The following MBNL1 variants were observed in gnomAD, a reference collection of about 807,000 sequenced individuals.
MBNL1 encodes the protein muscleblind like splicing regulator 1, also known as muscleblind-like protein 1.
A neutral mutation model predicts 42.2 loss-of-function variants in MBNL1; 8 were observed. That is an observed-to-expected ratio of 0.19 (90% CI 0.11 to 0.34). The LOEUF (loss-of-function observed/expected upper bound fraction) is 0.34. MBNL1 is among the 10% of genes least tolerant of loss of function. MBNL1 has a pLI of 1.00. For missense variants in MBNL1, 309 were observed against 495.3 expected (o/e 0.62, Z 3.57); for synonymous variants, 169 against 173.9 (o/e 0.97, Z 0.22).
At chr3:152,274,487 C>G (rs1269413653) in intron 1 of MBNL1, among the ~76,000 whole-genome samples, 1 of 152,022 alleles carries the variant, frequency 6.6e-6, no homozygotes, top group African/African-American at 2.4e-5. Context: ...TATGAAAGTT[C>G]AGATAAGGGA....
chr3:152,286,733 T>C (rs929765572), intron 1 of MBNL1, among the ~76,000 whole-genome samples: 7 of 151,796 alleles, frequency 4.6e-5, no homozygotes, highest in Non-Finnish European at 1.0e-4. Context: ...TTTTATATGA[T>C]AGTTCATTAG....
At chr3:152,421,619 G>C (rs946260104) in intron 3 of MBNL1, among the ~76,000 whole-genome samples, 1 of 152,114 alleles carries the variant, frequency 6.6e-6, no homozygotes, top group Non-Finnish European at 1.5e-5. Flanking sequence ...TCCTCGAGAA[G>C]AGCAACCCCA....
At chr3:152,396,215 C>T in intron 2 of MBNL1, 1 of 353,300 alleles carries the variant, frequency 2.8e-6, no homozygotes, top group Non-Finnish European at 5.7e-6. Flanking sequence ...CCCACTGATT[C>T]TACATTATGG....
intron 2 of MBNL1, among the ~76,000 whole-genome samples, chr3:152,250,432 G>A (rs1306186008): frequency 6.6e-6 from 1 of 151,556 alleles, no homozygotes; most frequent in Non-Finnish European, 1.5e-5. Context: ...TCTGTTGTTG[G>A]TGTATAAGAA....
chr3:152,430,308 A>G (rs966904416), intron 3 of MBNL1, among the ~76,000 whole-genome samples: 1 of 152,206 alleles, frequency 6.6e-6, no homozygotes, highest in East Asian at 1.9e-4. Flanking sequence ...TTAAATAATT[A>G]TAGTAGATTA....
intron 6 of MBNL1, 37 bp from the exon 7 acceptor site, chr3:152,455,505 T>C: frequency 1.3e-6 from 2 of 1,588,632 alleles, no homozygotes; most frequent in Non-Finnish European, 8.6e-7. Context: ...TTTTCCCTTT[T>C]CAAATCCACC....
chr3:152,413,572 TA>T (rs1458045643), intron 2 of MBNL1, among the ~76,000 whole-genome samples: 1 of 152,204 alleles, frequency 6.6e-6, no homozygotes, highest in Non-Finnish European at 1.5e-5. Flanking sequence ...GAGACATTCC[TA>T]AAAACCTCAT....
intron 2 of MBNL1, among the ~76,000 whole-genome samples, chr3:152,344,992 T>C (rs1258180845): frequency 6.6e-6 from 1 of 152,166 alleles, no homozygotes; most frequent in African/African-American, 2.4e-5. Flanking sequence ...TCTCTATTTC[T>C]TTCCTTTCAT....
intron 2 of MBNL1, among the ~76,000 whole-genome samples, chr3:152,378,623 T>C (rs146124399): frequency 1.6e-4 from 25 of 152,328 alleles, no homozygotes; most frequent in Non-Finnish European, 3.1e-4. Context: ...CTTCCAAGGC[T>C]TTTTACAATT....
intron 3 of MBNL1, among the ~76,000 whole-genome samples, chr3:152,418,878 G>A (rs576381689): frequency 1.3e-5 from 2 of 151,984 alleles, no homozygotes; most frequent in South Asian, 4.2e-4. Context: ...CCCCGTGCCC[G>A]GCTAATTTTT....
At chr3:152,376,082 A>T (rs958799381) in intron 2 of MBNL1, among the ~76,000 whole-genome samples, 1 of 152,142 alleles carries the variant, frequency 6.6e-6, no homozygotes, top group African/African-American at 2.4e-5. Flanking sequence ...CTCAGAACTC[A>T]TACTGTCAGG....
intron 2 of MBNL1, among the ~76,000 whole-genome samples, chr3:152,395,154 C>T (rs537193297): frequency 6.6e-5 from 10 of 152,214 alleles, no homozygotes; most frequent in African/African-American, 1.2e-4. Context: ...CTACCGTGCC[C>T]GGCCTTCAGC....
At chr3:152,436,619 GAATT>G (rs1250219038) in intron 4 of MBNL1, among the ~76,000 whole-genome samples, 1 of 152,160 alleles carries the variant, frequency 6.6e-6, no homozygotes, top group African/African-American at 2.4e-5. Context: ...TAACTTTAAT[GAATT>G]AATTATTAAT....
At chr3:152,334,552 A>T (rs1028422363) in intron 2 of MBNL1, among the ~76,000 whole-genome samples, 4 of 152,244 alleles carry the variant, frequency 2.6e-5, no homozygotes, top group African/African-American at 9.6e-5. Flanking sequence ...TCTGAGACCT[A>T]ATATTTTCCC....
chr3:152,304,912 A>G (rs953922580), intron 2 of MBNL1, among the ~76,000 whole-genome samples: 2 of 152,170 alleles, frequency 1.3e-5, no homozygotes, highest in African/African-American at 4.8e-5. Context: ...TTTTTAGACT[A>G]TTAGATAAAT....
intron 2 of MBNL1, chr3:152,301,032 C>A: frequency 4.4e-6 from 2 of 454,920 alleles, no homozygotes; most frequent in Non-Finnish European, 5.8e-6. Context: ...ATTTTTCCAG[C>A]TTCAAAAATT....
intron 2 of MBNL1, among the ~76,000 whole-genome samples, chr3:152,387,548 T>C (rs1463456711): frequency 6.6e-6 from 1 of 152,162 alleles, no homozygotes; most frequent in Non-Finnish European, 1.5e-5. Context: ...TATTAATTAT[T>C]TTTCACTGTT....
At chr3:152,310,503 ATATAG>A (rs1400986566) in intron 2 of MBNL1, among the ~76,000 whole-genome samples, 1 of 152,234 alleles carries the variant, frequency 6.6e-6, no homozygotes, top group Non-Finnish European at 1.5e-5. Context: ...ATAGACAAAA[ATATAG>A]TATATTGATT....
chr3:152,248,170 A>G (rs1294780055), intron 2 of MBNL1, among the ~76,000 whole-genome samples: 1 of 152,056 alleles, frequency 6.6e-6, no homozygotes, highest in Non-Finnish European at 1.5e-5. Context: ...CACAAGAAAA[A>G]ATTTTAAGTA....
Sources: gnomAD v4.1 joint callset for allele counts (sites outside exome capture counted in the v4.1 genomes callset) on GRCh38, gnomAD v4.1.1 for gene constraint, MANE v1.5 for transcripts, NCBI Gene and HGNC (gene_info 2026-07-23, HGNC 2026-07-21) for gene names.